The following KIAA1328 variants were observed in gnomAD, a reference collection of about 807,000 sequenced individuals.
KIAA1328 encodes the protein protein hinderin.
A neutral mutation model predicts 68.1 loss-of-function variants in KIAA1328; 52 were observed. The observed-to-expected ratio is 0.76, with a 90% confidence interval of 0.61 to 0.96. The LOEUF (loss-of-function observed/expected upper bound fraction) is 0.96, where lower values mean the gene tolerates loss of function less well. Among genes scored for constraint, KIAA1328 ranks in the 40% least tolerant of loss-of-function variants. The probability of loss-of-function intolerance (pLI) is 0.00; values close to 1 mark genes in which losing one functional copy is unlikely to be tolerated. For synonymous variants in KIAA1328, 232 were observed against 239.4 expected (o/e 0.97, Z 0.28); for missense variants, 641 against 677.6 (o/e 0.95, Z 0.60).
intron 7 of KIAA1328, among the ~76,000 whole-genome samples, chr18:37,142,508 A>G (rs2058789699): frequency 6.6e-6 from 1 of 152,048 alleles, no homozygotes; most frequent in Non-Finnish European, 1.5e-5. Context: ...ATTCTTTTCC[A>G]TACAGATATT....
intron 9 of KIAA1328, among the ~76,000 whole-genome samples, chr18:37,213,559 T>C (rs971229910): frequency 6.6e-6 from 1 of 152,200 alleles, no homozygotes; most frequent in Non-Finnish European, 1.5e-5. Flanking sequence ...TGATGGACAT[T>C]TGGGTTGGTT....
intron 7 of KIAA1328, among the ~76,000 whole-genome samples, chr18:37,078,216 C>T (rs1188617396): frequency 6.6e-6 from 1 of 152,172 alleles, no homozygotes; most frequent in Non-Finnish European, 1.5e-5. Flanking sequence ...CTGAGAAAAA[C>T]AAGCAATGGG....
At chr18:36,964,122 G>A (rs2051815859) in intron 6 of KIAA1328, among the ~76,000 whole-genome samples, 1 of 152,078 alleles carries the variant, frequency 6.6e-6, no homozygotes, top group African/African-American at 2.4e-5. Context: ...TGTTGAAGAA[G>A]GAAAGACAAG....
At chr18:37,131,617 G>A (rs1472347510) in intron 7 of KIAA1328, among the ~76,000 whole-genome samples, 1 of 152,114 alleles carries the variant, frequency 6.6e-6, no homozygotes, top group African/African-American at 2.4e-5. Context: ...AGACACAGAA[G>A]CCTTTTTGCA....
intron 6 of KIAA1328, among the ~76,000 whole-genome samples, chr18:37,013,893 TG>T (rs2054061991): frequency 1.3e-5 from 2 of 152,266 alleles, no homozygotes; most frequent in Non-Finnish European, 2.9e-5. Context: ...ATGGCAGTTC[TG>T]TTTTAAGTTT....
chr18:37,219,812 G>A (rs1017179402), intron 9 of KIAA1328, among the ~76,000 whole-genome samples: 2 of 152,234 alleles, frequency 1.3e-5, no homozygotes, highest in African/African-American at 4.8e-5. Context: ...ACCTTGCTTC[G>A]GCTTGCCCTC....
At chr18:37,059,943 A>AAAACCAAACACTACATGTTCTCACTC (rs2056080209) in intron 6 of KIAA1328, among the ~76,000 whole-genome samples, 1 of 152,032 alleles carries the variant, frequency 6.6e-6, no homozygotes, top group Non-Finnish European at 1.5e-5. Context: ...ACAGGAACAG[A>AAAACCAAACACTACATGTTCTCACTC]AAACCAAACA....
At chr18:37,204,983 G>A (rs1169881100) in intron 9 of KIAA1328, among the ~76,000 whole-genome samples, 1 of 151,800 alleles carries the variant, frequency 6.6e-6, no homozygotes, top group Non-Finnish European at 1.5e-5. Context: ...TGTTGTTGTT[G>A]TTTTAAACCA....
rs1041872006 is a variant in KIAA1328 at position 36,921,699 on chromosome 18, C to T, written c.448+36027C>T. ...GAATACAGGCGTGAGCCACTGTGCCCGGCCTTTTCTTTACATTTTTAACAG... is the reference window on the plus strand; with the variant it reads ...GAATACAGGCGTGAGCCACTGTGCCTGGCCTTTTCTTTACATTTTTAACAG... On this transcript the variant is annotated intron_variant, in intron 5 of 9. Coordinates refer to ENST00000280020, the MANE Select transcript of KIAA1328 (RefSeq NM_020776.3). Among the ~76,000 whole-genome samples the T allele has an allele frequency of 1.5e-4, 23 of 152,092 alleles. 1 individual carries two copies. The highest frequency in any genetic ancestry group is 5.9e-5 in the Non-Finnish European group (4 of 68,016).
chr18:37,047,670 CTT>C (rs2055528958), intron 6 of KIAA1328, among the ~76,000 whole-genome samples: 1 of 152,268 alleles, frequency 6.6e-6, no homozygotes, highest in East Asian at 1.9e-4. Flanking sequence ...TGCTATGAAA[CTT>C]TTTCAACTTC....
chr18:37,019,672 A>G (rs368798279), intron 6 of KIAA1328, among the ~76,000 whole-genome samples: 4 of 152,224 alleles, frequency 2.6e-5, no homozygotes, highest in East Asian at 1.9e-4. Context: ...TGTCTTGACT[A>G]TCCACCTGGG....
Position 37,048,477 on chromosome 18 carries a change from C to A in KIAA1328, c.577-18413C>A, listed in dbSNP as rs917989390. On this transcript the variant is annotated intron_variant, in intron 6 of 9. Coordinates refer to ENST00000280020, the MANE Select transcript of KIAA1328 (RefSeq NM_020776.3). ...CCTTTTATTCAAGTATTATGTCTTA[C>A]AACCTGTCTATTTGCCTATCCTTAC... Among the ~76,000 whole-genome samples, 3 of 152,188 alleles carry A rather than the reference C, an allele frequency of 2.0e-5. No individual in the cohort carries two copies. The East Asian group carries it at 5.8e-4, about 29-fold the overall frequency.
intron 5 of KIAA1328, among the ~76,000 whole-genome samples, chr18:36,941,262 CTG>C (rs2050700885): frequency 6.6e-6 from 1 of 152,128 alleles, no homozygotes; most frequent in Admixed American, 6.5e-5. Context: ...TTATAAAGCT[CTG>C]TACCTGAGGA....
chr18:36,934,109 A>G (rs1192981666), intron 5 of KIAA1328, among the ~76,000 whole-genome samples: 1 of 152,072 alleles, frequency 6.6e-6, no homozygotes, highest in Non-Finnish European at 1.5e-5. Flanking sequence ...GGTCTGCAGC[A>G]AGAGTGGACT....
intron 6 of KIAA1328, among the ~76,000 whole-genome samples, chr18:36,994,248 G>C (rs190156626): frequency 1.3e-5 from 2 of 152,258 alleles, no homozygotes; most frequent in Non-Finnish European, 2.9e-5. Flanking sequence ...CCTGTCCCTG[G>C]TGTGCTTCAA....
At chr18:37,087,248 C>G (rs568937413) in intron 7 of KIAA1328, among the ~76,000 whole-genome samples, 2 of 151,584 alleles carry the variant, frequency 1.3e-5, no homozygotes, top group Non-Finnish European at 2.9e-5. Context: ...TTTTTAGAGA[C>G]GGGGTTTTGC....
intron 9 of KIAA1328, among the ~76,000 whole-genome samples, chr18:37,185,027 G>A (rs765460351): frequency 2.0e-4 from 31 of 151,992 alleles, no homozygotes; most frequent in Non-Finnish European, 3.7e-4. Flanking sequence ...TTAGCTGGGC[G>A]TGGTGGCGGG....
chr18:37,051,108 A>G (rs986023098), intron 6 of KIAA1328, among the ~76,000 whole-genome samples: 8 of 152,210 alleles, frequency 5.3e-5, no homozygotes, highest in Admixed American at 6.5e-5. Flanking sequence ...CAATTGTTCC[A>G]TGATGTCTCG....
Position 37,223,885 on chromosome 18 carries a change from G to T in KIAA1328, c.*1658G>T, listed in dbSNP as rs1173052760. ...CCCACTAATATTATATTTTTCTTCT[G>T]AAATAAATATAAAGTCAAGACTAAC... is the stretch of plus-strand genomic sequence containing the variant. On this transcript the variant is annotated 3_prime_UTR_variant, in exon 10 of 10. Coordinates refer to ENST00000280020, the MANE Select transcript of KIAA1328 (RefSeq NM_020776.3). The T allele has an allele frequency of 1.0e-6, 1 of 981,726 alleles. No individual in the cohort carries two copies. The highest frequency in any genetic ancestry group is 1.1e-4 in the East Asian group (1 of 8,790). The allele number at this position is 981,726 out of a possible 1,614,324, so 60.8% of individuals were successfully genotyped here.
Sources: allele counts gnomAD v4.1 joint callset (sites outside exome capture counted in the v4.1 genomes callset), GRCh38; gene constraint gnomAD v4.1.1; transcripts MANE v1.5; gene names NCBI Gene and HGNC (gene_info 2026-07-23, HGNC 2026-07-21).